Variants in MAPK10 observed in about 807,000 individuals in gnomAD.
MAPK10 encodes the protein mitogen-activated protein kinase 10.
In MAPK10, 25 loss-of-function variants were observed where a neutral mutation model predicts 59.3. That is an observed-to-expected ratio of 0.42 (90% CI 0.31 to 0.59). The LOEUF is 0.59. Ranked by LOEUF, MAPK10 falls within the 20% of genes least tolerant of loss-of-function variation. The pLI, the probability that MAPK10 is intolerant of heterozygous loss-of-function variation, is 0.15. For synonymous variants in MAPK10, 190 were observed against 200.5 expected (o/e 0.95, Z 0.44); for missense variants, 351 against 568.9 (o/e 0.62, Z 3.90).
intron 11 of MAPK10, among the ~76,000 whole-genome samples, chr4:86,056,975 AT>A (rs1390677681): frequency 6.8e-6 from 1 of 146,126 alleles, no homozygotes; most frequent in African/African-American, 2.6e-5. Flanking sequence ...TATTTTATTT[AT>A]TTTTTTTAAG....
chr4:86,564,552 C>T (rs903888857), intron 1 of MAPK10, among the ~76,000 whole-genome samples: 28 of 152,122 alleles, frequency 1.8e-4, no homozygotes, highest in Admixed American at 9.2e-4. Flanking sequence ...TTGTGTAAAA[C>T]ATTTATTTGC....
At chr4:86,383,205 G>C (rs1438521296) in intron 1 of MAPK10, among the ~76,000 whole-genome samples, 2 of 152,094 alleles carry the variant, frequency 1.3e-5, no homozygotes, top group Non-Finnish European at 2.9e-5. Flanking sequence ...GACTGGAAAA[G>C]TCCAAGCTCT....
At chr4:86,499,727 G>A (rs1755157177) in intron 1 of MAPK10, among the ~76,000 whole-genome samples, 1 of 152,166 alleles carries the variant, frequency 6.6e-6, no homozygotes, top group South Asian at 2.1e-4. Context: ...AAGTAGTGAT[G>A]TATCCAGCTA....
chr4:86,476,808 T>C (rs993331091), intron 1 of MAPK10, among the ~76,000 whole-genome samples: 1 of 152,144 alleles, frequency 6.6e-6, no homozygotes, highest in East Asian at 1.9e-4. Flanking sequence ...TCCAAACGCC[T>C]GAACCACAGC....
intron 10 of MAPK10, among the ~76,000 whole-genome samples, chr4:86,066,586 G>A (rs2046776461): frequency 6.6e-6 from 1 of 151,962 alleles, no homozygotes. Context: ...CTACCACGGT[G>A]AAACCCCATC....
chr4:86,281,925 C>T (rs2094824812), intron 2 of MAPK10, among the ~76,000 whole-genome samples: 1 of 152,052 alleles, frequency 6.6e-6, no homozygotes, highest in African/African-American at 2.4e-5. Flanking sequence ...GAATTTCAAT[C>T]TGTAACTTTT....
At chr4:86,156,005 G>A (rs2149219772) in intron 4 of MAPK10, among the ~76,000 whole-genome samples, 1 of 152,146 alleles carries the variant, frequency 6.6e-6, no homozygotes, top group South Asian at 2.1e-4. Context: ...AGGATGGGAT[G>A]AGATAGAGTG....
intron 1 of MAPK10, among the ~76,000 whole-genome samples, chr4:86,536,587 G>T (rs1758258371): frequency 6.6e-6 from 1 of 152,136 alleles, no homozygotes; most frequent in Non-Finnish European, 1.5e-5. Context: ...TTTAGTTGTA[G>T]ATACATAATC....
intron 1 of MAPK10, among the ~76,000 whole-genome samples, chr4:86,532,025 A>G (rs1203997164): frequency 1.3e-5 from 2 of 149,328 alleles, no homozygotes; most frequent in Non-Finnish European, 3.0e-5. Context: ...CTCTGTCTCT[A>G]AATTTTTTTA....
intron 1 of MAPK10, among the ~76,000 whole-genome samples, chr4:86,397,362 A>G (rs1284476056): frequency 2.0e-5 from 3 of 152,178 alleles, no homozygotes; most frequent in African/African-American, 7.2e-5. Context: ...AGATAGATGG[A>G]TATCTCTACT....
chr4:86,380,258 C>T (rs920764655), intron 1 of MAPK10, among the ~76,000 whole-genome samples: 3 of 151,992 alleles, frequency 2.0e-5, no homozygotes, highest in Non-Finnish European at 2.9e-5. Context: ...AAAAAAACCC[C>T]CCCAAAAAAA....
At chr4:86,277,341 G>A (rs2094614142) in intron 2 of MAPK10, 1 of 151,986 alleles carries the variant, frequency 6.6e-6, no homozygotes, top group African/African-American at 2.4e-5. Flanking sequence ...GGAAGAAAAA[G>A]GAAATAAGGG....
intron 1 of MAPK10, among the ~76,000 whole-genome samples, chr4:86,566,359 C>CA (rs767182989): frequency 3.4e-4 from 52 of 152,154 alleles, no homozygotes; most frequent in Non-Finnish European, 4.6e-4. Flanking sequence ...TTACTGGGCA[C>CA]AAAAAAATAT....
chr4:86,203,541 A>G (rs1388620380), intron 2 of MAPK10, among the ~76,000 whole-genome samples: 1 of 151,568 alleles, frequency 6.6e-6, no homozygotes, highest in East Asian at 1.9e-4. Flanking sequence ...ATTATTTAAA[A>G]AAAAAGTTCC....
At chr4:86,432,383 T>C (rs900672104) in intron 1 of MAPK10, among the ~76,000 whole-genome samples, 1 of 152,226 alleles carries the variant, frequency 6.6e-6, no homozygotes, top group Admixed American at 6.5e-5. Flanking sequence ...CAAGTGATTC[T>C]GGTGCCTCAG....
intron 1 of MAPK10, among the ~76,000 whole-genome samples, chr4:86,461,159 T>A (rs1751704371): frequency 6.6e-6 from 1 of 152,046 alleles, no homozygotes; most frequent in Non-Finnish European, 1.5e-5. Flanking sequence ...TAAAGAGGTT[T>A]ATTCTGAGCC....
intron 1 of MAPK10, among the ~76,000 whole-genome samples, chr4:86,517,495 T>A (rs1288783155): frequency 1.7e-4 from 26 of 152,120 alleles, no homozygotes; most frequent in Admixed American, 1.7e-3. Context: ...CAGGATGGTC[T>A]CAATCTCCTG....
chr4:86,541,128 T>G (rs1758659862), intron 1 of MAPK10, among the ~76,000 whole-genome samples: 1 of 151,968 alleles, frequency 6.6e-6, no homozygotes, highest in African/African-American at 2.4e-5. Context: ...GGGGCATTCT[T>G]GAAATCTTGA....
chr4:86,149,533 C>T (rs1391442868), intron 4 of MAPK10, among the ~76,000 whole-genome samples: 3 of 152,184 alleles, frequency 2.0e-5, no homozygotes, highest in Non-Finnish European at 4.4e-5. Context: ...TGCCAAAGTG[C>T]TAGCATTACA....
Sources: allele counts gnomAD v4.1 joint callset (sites outside exome capture counted in the v4.1 genomes callset), GRCh38; gene constraint gnomAD v4.1.1; transcripts MANE v1.5; gene names NCBI Gene and HGNC (gene_info 2026-07-23, HGNC 2026-07-21).